The following GCC2 variants were observed in gnomAD, a reference collection of about 807,000 sequenced individuals.
GCC2 encodes the protein GRIP and coiled-coil domain containing 2, also known as GRIP and coiled-coil domain-containing protein 2.
Under a neutral mutation model 210.6 loss-of-function variants are expected in GCC2, and 120 were observed. The ratio of observed to expected loss-of-function variants is 0.57; its 90% CI spans 0.49 to 0.66. The LOEUF (loss-of-function observed/expected upper bound fraction) is 0.66. Ranked by LOEUF, GCC2 falls within the 30% of genes least tolerant of loss-of-function variation. The pLI is 0.00. For synonymous variants in GCC2, 703 were observed against 652.7 expected, an observed-to-expected ratio of 1.08 and a Z score of -1.17; for missense variants, 1,868 against 1,871.9, an observed-to-expected ratio of 1.00 and a Z score of 0.04.
intron 4 of GCC2, among the ~76,000 whole-genome samples, chr2:108,455,389 A>G (rs1431044211): frequency 3.3e-5 from 5 of 152,162 alleles, no homozygotes; most frequent in Non-Finnish European, 5.9e-5. Context: ...CAGTGAGCTG[A>G]GATAGTGCCA....
At position 108,497,234 on chromosome 2, in the gene GCC2, A is replaced by G. The variant is rs544293772; in HGVS notation, c.4782+125A>G. ...CAGGTTCACGCCATTCTCCTGCCTC[A>G]GCCTCCCGAGTAGCTGGGACTACAG... is the stretch of plus-strand genomic sequence containing the variant. On this transcript the variant is annotated intron_variant, in intron 21 of 22. Transcript: ENST00000309863. 4.9e-5 allele frequency: 73 copies of G among 1,504,818 alleles called. No individual in the cohort carries two copies. In the African/African-American group the frequency reaches 8.8e-4, roughly 18 times the overall value. 93.2% of individuals were successfully genotyped at this position (1,504,818 alleles called of 1,614,324 possible).
In GCC2 at chr2:108,470,190, T is replaced by A. The variant is rs1681118059; in HGVS notation, c.861T>A (p.Ser287Arg). 1 of 1,613,252 alleles carries A rather than the reference T, an allele frequency of 6.2e-7. No homozygotes were observed. Among genetic ancestry groups the A allele is most frequent in the East Asian group, 2.2e-5 (1 of 44,840 alleles). Residue 287 changes from serine to arginine, a missense_variant, in exon 6 of 23, where the codon AGT (serine) becomes AGA (arginine). Physicochemically the swap from Ser to Arg is moderately radical, Grantham distance 110 (BLOSUM62 -1). Coordinates refer to ENST00000309863, the MANE Select transcript of GCC2 (RefSeq NM_181453.4). Reference sequence around the variant, plus strand: ...ACTTAGTAAAACAATGTGAGGCAAGTGAAAAGAACATCCAGAAGAAATATG... The same window carrying A: ...ACTTAGTAAAACAATGTGAGGCAAGAGAAAAGAACATCCAGAAGAAATATG... ...KENLVKQCEA[S>R]EKNIQKKYEC...
At position 108,472,844 on chromosome 2, in the gene GCC2, A is replaced by G; in HGVS notation, c.2805A>G (p.Ser935=). Residue 935 remains serine (S), a synonymous_variant, in exon 7 of 23, where the codon TCA becomes TCG. Coordinates refer to ENST00000309863, the MANE Select transcript of GCC2 (RefSeq NM_181453.4). ...AAATCTAGGATTCCTTAGCAAAATC[A>G]CCTTCTGTAAAAAATGATCCTCTGT... ...LILLKDSLAK[S]PSVKNDPLSS... The G allele has an allele frequency of 1.3e-6, 2 of 1,590,372 alleles. No individual in the cohort carries two copies. Among genetic ancestry groups the G allele is most frequent in the Non-Finnish European group, 1.7e-6 (2 of 1,164,606 alleles).
intron 9 of GCC2, among the ~76,000 whole-genome samples, 159 bp downstream of exon 9, chr2:108,476,009 C>T (rs1419972058): frequency 6.7e-6 from 1 of 148,852 alleles, no homozygotes; most frequent in Non-Finnish European, 1.5e-5. Flanking sequence ...TAATAGAATC[C>T]TAATATCAAG....
rs757898709 is a variant in GCC2 at position 108,495,439 on chromosome 2, C to T, written c.4596C>T (p.Tyr1532=). The change falls in exon 20 of 23, where the codon TAC becomes TAT. Residue 1532 remains tyrosine, a synonymous_variant. Transcript: ENST00000309863. ...AGTCTGTGTCTTCCGCCAGCACATA[C>T]ACACAGTCTTTAGAGCAGCTGCTTA... is the stretch of plus-strand genomic sequence containing the variant. The part of the protein sequence containing the change: ...DTESVSSAST[Y]TQSLEQLLNS... 3.8e-6 allele frequency: 6 copies of T among 1,594,292 alleles called. No individual in the cohort carries two copies. The South Asian group carries it at 6.6e-5, about 18-fold the overall frequency.
intron 4 of GCC2, among the ~76,000 whole-genome samples, chr2:108,465,003 T>C (rs1680796773): frequency 1.3e-5 from 2 of 152,040 alleles, no homozygotes; most frequent in South Asian, 2.1e-4. Context: ...AACAACCAAA[T>C]CTTGTGAACT....
intron 15 of GCC2, 140 bp from the exon 16 acceptor site, chr2:108,486,371 T>C: frequency 1.3e-6 from 1 of 795,496 alleles, no homozygotes; most frequent in Admixed American, 2.1e-5. Context: ...TTTTCAATAA[T>C]AATACATAAA....
At chr2:108,486,410 A>G (rs1231128541) in intron 15 of GCC2, 101 bp from the exon 16 acceptor site, 2 of 1,053,156 alleles carry the variant, frequency 1.9e-6, no homozygotes, top group Non-Finnish European at 3.0e-6. Flanking sequence ...TATGCCTTAT[A>G]TGTACTTATG....
At chr2:108,473,512 T>TA (rs1204975511) in intron 7 of GCC2, among the ~76,000 whole-genome samples, 1 of 152,150 alleles carries the variant, frequency 6.6e-6, no homozygotes, top group African/African-American at 2.4e-5. Context: ...GTATGATTGA[T>TA]ATGCAGAGGA....
intron 4 of GCC2, among the ~76,000 whole-genome samples, chr2:108,467,541 C>T (rs1370965202): frequency 2.6e-5 from 4 of 152,162 alleles, no homozygotes; most frequent in East Asian, 1.9e-4. Context: ...ACATGATCCT[C>T]CCACTTGCAT....
intron 4 of GCC2, among the ~76,000 whole-genome samples, chr2:108,452,701 T>G (rs1312549172): frequency 7.0e-6 from 1 of 143,624 alleles, no homozygotes; most frequent in African/African-American, 2.6e-5. Context: ...CTTTTTTTTT[T>G]TTTTTTTTTT....
At position 108,509,214 on chromosome 2, in the gene GCC2, G is replaced by A. The variant is rs1457654427; in HGVS notation, c.*1584G>A. 1.3e-5 allele frequency: 2 copies of A among 152,462 alleles called. No homozygotes were observed. Among genetic ancestry groups the A allele is most frequent in the African/African-American group, 4.8e-5 (2 of 41,398 alleles). 9.4% of individuals were successfully genotyped at this position (152,462 alleles called of 1,614,324 possible). On this transcript the variant is annotated 3_prime_UTR_variant, in exon 23 of 23. Transcript: ENST00000309863. Reference sequence around the variant, plus strand: ...ATATTTCACTTTCTCTTTGACTTTAGACCTTTTGAAGTCTGTATAAACTTG... The same window carrying A: ...ATATTTCACTTTCTCTTTGACTTTAAACCTTTTGAAGTCTGTATAAACTTG...
rs116841577 is a variant in GCC2 at position 108,475,370 on chromosome 2, A to G, written c.2861-165A>G. ...CTTTTTACATTGTTTGTCTCACATA[A>G]TGAATAAAATTCCACTTTAAAAAAT... On this transcript the variant is annotated intron_variant, in intron 7 of 22. Transcript: ENST00000309863. 49 of 453,776 alleles carry G rather than the reference A, an allele frequency of 1.1e-4. No individual in the cohort carries two copies. The East Asian group carries it at 1.7e-3, about 16-fold the overall frequency. 28.1% of individuals were successfully genotyped at this position (453,776 alleles called of 1,614,324 possible). A position where few individuals can be genotyped will look rare whatever the true frequency, so the allele number is the denominator to read the frequency against.
At chr2:108,479,141 C>T (rs932735892) in intron 9 of GCC2, among the ~76,000 whole-genome samples, 4 of 151,596 alleles carry the variant, frequency 2.6e-5, no homozygotes, top group Admixed American at 6.6e-5. Context: ...TCCAGACTAG[C>T]GACAGAGCGA....
intron 9 of GCC2, among the ~76,000 whole-genome samples, chr2:108,476,400 G>A (rs1271233858): frequency 2.0e-5 from 3 of 151,996 alleles, no homozygotes; most frequent in African/African-American, 4.8e-5. Context: ...GTAAAATTTT[G>A]TTTTGGGATT....
At chr2:108,485,009 A>G (rs1317688517) in intron 13 of GCC2, among the ~76,000 whole-genome samples, 2 of 151,880 alleles carry the variant, frequency 1.3e-5, no homozygotes, top group African/African-American at 4.8e-5. Flanking sequence ...TGATGAGTTC[A>G]TGTCCTTTGT....
intron 4 of GCC2, among the ~76,000 whole-genome samples, chr2:108,460,224 T>G (rs895677107): frequency 1.3e-5 from 2 of 152,226 alleles, no homozygotes; most frequent in Non-Finnish European, 2.9e-5. Flanking sequence ...TCTTTTTCCA[T>G]GCTTTAACTT....
intron 9 of GCC2, among the ~76,000 whole-genome samples, chr2:108,479,640 C>CA (rs1160666182): frequency 1.3e-5 from 2 of 150,250 alleles, no homozygotes; most frequent in African/African-American, 4.9e-5. Context: ...GACCCTGTCT[C>CA]AAAAAAAAGA....
intron 4 of GCC2, among the ~76,000 whole-genome samples, chr2:108,460,274 G>C (rs905624153): frequency 2.6e-5 from 4 of 152,132 alleles, no homozygotes; most frequent in Non-Finnish European, 4.4e-5. Context: ...TGCATTTTTT[G>C]TGGGCAGCAC....
Sources: allele counts gnomAD v4.1 joint callset (sites outside exome capture counted in the v4.1 genomes callset), GRCh38; gene constraint gnomAD v4.1.1; transcripts MANE v1.5; gene names NCBI Gene and HGNC (gene_info 2026-07-23, HGNC 2026-07-21).